Variants in GAS7 observed in about 807,000 individuals in gnomAD.
GAS7 encodes the protein growth arrest specific 7.
Under a neutral mutation model 71.1 loss-of-function variants are expected in GAS7, and 28 were observed. The ratio of observed to expected loss-of-function variants is 0.39; its 90% CI spans 0.29 to 0.54. The LOEUF is 0.54. GAS7 is among the 20% of genes least tolerant of loss of function. The pLI is 0.62. For missense variants in GAS7, 436 were observed against 627.8 expected (o/e 0.69, Z 3.27); for synonymous variants, 258 against 245.8 (o/e 1.05, Z -0.46).
At chr17:10,176,395 G>A (rs950892361) in intron 1 of GAS7, among the ~76,000 whole-genome samples, 11 of 152,152 alleles carry the variant, frequency 7.2e-5, no homozygotes, top group African/African-American at 2.7e-4. Context: ...GCGTCTCTTA[G>A]CACCGCTTGC....
chr17:10,127,045 C>A (rs1447580848), intron 1 of GAS7, among the ~76,000 whole-genome samples: 1 of 152,124 alleles, frequency 6.6e-6, no homozygotes, highest in African/African-American at 2.4e-5. Flanking sequence ...TGGCCAGCAC[C>A]TTACATTGTT....
At chr17:10,009,698 A>C (rs891559070) in intron 2 of GAS7, among the ~76,000 whole-genome samples, 56 of 151,810 alleles carry the variant, frequency 3.7e-4, no homozygotes, top group African/African-American at 1.4e-3. Context: ...AACCAAACAA[A>C]AAATAAAACA....
chr17:10,196,700 C>A (rs774151237), intron 1 of GAS7, among the ~76,000 whole-genome samples: 1 of 152,226 alleles, frequency 6.6e-6, no homozygotes, highest in Non-Finnish European at 1.5e-5. Context: ...AGACATCCAT[C>A]AGCCAAATTT....
At chr17:10,062,690 A>G (rs888467482) in intron 1 of GAS7, among the ~76,000 whole-genome samples, 2 of 152,222 alleles carry the variant, frequency 1.3e-5, no homozygotes, top group Non-Finnish European at 2.9e-5. Flanking sequence ...AACACAGCTA[A>G]TTCTGCTTTG....
At chr17:10,069,233 T>C (rs1247796353) in intron 1 of GAS7, among the ~76,000 whole-genome samples, 8 of 152,184 alleles carry the variant, frequency 5.3e-5, no homozygotes, top group Non-Finnish European at 7.3e-5. Context: ...ACGTTGACTC[T>C]CTCTGCACCA....
intron 1 of GAS7, among the ~76,000 whole-genome samples, chr17:10,061,977 G>A (rs754494811): frequency 6.6e-6 from 1 of 152,064 alleles, no homozygotes; most frequent in African/African-American, 2.4e-5. Context: ...GCACAGGACC[G>A]CCGCCCACAA....
intron 2 of GAS7, among the ~76,000 whole-genome samples, chr17:10,005,098 C>G (rs974917033): frequency 6.7e-6 from 1 of 149,162 alleles, no homozygotes; most frequent in African/African-American, 2.5e-5. Context: ...TGCACGCATA[C>G]ATGCATGTGT....
At chr17:10,197,040 AT>A (rs2074545623) in intron 1 of GAS7, among the ~76,000 whole-genome samples, 1 of 152,050 alleles carries the variant, frequency 6.6e-6, no homozygotes, top group Admixed American at 6.6e-5. Context: ...TTTAGGAGAG[AT>A]TTTGTTGTTC....
rs151001787 is a variant in GAS7 at position 10,026,478 on chromosome 17, T to G, written c.184-6581A>C. On this transcript the variant is annotated intron_variant, in intron 1 of 13. Coordinates refer to ENST00000432992, the MANE Select transcript of GAS7 (RefSeq NM_201433.2). The surrounding 1 kb of genome is among the most constrained non-coding windows in gnomAD (Gnocchi z 4.5). ...TTGAAGGCTCCTCCACAAAGGACTC[T>G]CCAGCAAGTTCTCTCTTCCCCAACC... 4.2e-3 allele frequency among the ~76,000 whole-genome samples: 637 copies of G among 152,260 alleles called. 19 individuals carry two copies. Among genetic ancestry groups the G allele is most frequent in the Admixed American group, 0.031 (470 of 15,298 alleles).
intron 1 of GAS7, among the ~76,000 whole-genome samples, chr17:10,064,517 A>G (rs1567576523): frequency 1.3e-5 from 2 of 152,160 alleles, no homozygotes; most frequent in Admixed American, 1.3e-4. Context: ...CCTCTCCCCA[A>G]CCACGGTACT....
chr17:10,126,005 GTA>G (rs995847299), intron 1 of GAS7, among the ~76,000 whole-genome samples: 2 of 152,168 alleles, frequency 1.3e-5, no homozygotes, highest in Non-Finnish European at 2.9e-5. Flanking sequence ...CATCTGTGCA[GTA>G]TGAAGCCTGC....
At chr17:9,970,318 C>T (rs2069908025) in intron 3 of GAS7, among the ~76,000 whole-genome samples, 1 of 152,102 alleles carries the variant, frequency 6.6e-6, no homozygotes, top group Non-Finnish European at 1.5e-5. Context: ...CTTGAGTCAC[C>T]GTTCTCCTAG....
At chr17:10,102,435 GGCTA>G (rs1296141684) in intron 1 of GAS7, among the ~76,000 whole-genome samples, 2 of 149,098 alleles carry the variant, frequency 1.3e-5, no homozygotes, top group African/African-American at 2.5e-5. Context: ...TCTCTTAGTC[GGCTA>G]GCTGACTAAG....
chr17:9,959,332 AG>A lies in GAS7; in HGVS notation c.472-78del. ...TTTTTCCCCCCATTCAGGTTCCCTG[AG>A]GGTGGAGGCGCTGGGGAATCAGGGA... is the stretch of plus-strand genomic sequence containing the variant. On this transcript the variant is annotated intron_variant, in intron 4 of 13. Coordinates refer to ENST00000432992, the MANE Select transcript of GAS7 (RefSeq NM_201433.2). The surrounding 1 kb of genome is among the most constrained non-coding windows in gnomAD (Gnocchi z 5.0). 1 of 1,605,344 alleles carries A rather than the reference AG, an allele frequency of 6.2e-7. No homozygotes were observed. Among genetic ancestry groups the A allele is most frequent in the Non-Finnish European group, 8.5e-7 (1 of 1,175,436 alleles).
chr17:10,083,068 G>A (rs1405359573), intron 1 of GAS7, among the ~76,000 whole-genome samples: 1 of 152,214 alleles, frequency 6.6e-6, no homozygotes, highest in Non-Finnish European at 1.5e-5. Flanking sequence ...AATTCAAGTA[G>A]TGGTTGCAAG....
chr17:9,934,774 C>T (rs542963461), intron 8 of GAS7, among the ~76,000 whole-genome samples: 9 of 152,324 alleles, frequency 5.9e-5, no homozygotes, highest in East Asian at 1.9e-4. Context: ...CTTGCTCTGT[C>T]GCCTAGGCTG....
intron 1 of GAS7, among the ~76,000 whole-genome samples, chr17:10,093,649 C>T (rs2073611168): frequency 6.6e-6 from 1 of 151,608 alleles, no homozygotes; most frequent in African/African-American, 2.4e-5. Flanking sequence ...CAAAAGCTTC[C>T]CTCCCACCAC....
intron 1 of GAS7, among the ~76,000 whole-genome samples, chr17:10,169,771 T>A (rs1267609497): frequency 6.6e-6 from 1 of 152,148 alleles, no homozygotes; most frequent in African/African-American, 2.4e-5. Context: ...TTGAAGACTA[T>A]CTACGCCATA....
Position 10,181,326 on chromosome 17 carries a change from C to G in GAS7, c.183+16882G>C, listed in dbSNP as rs200068893. On this transcript the variant is annotated intron_variant, in intron 1 of 13. Coordinates refer to ENST00000432992, the MANE Select transcript of GAS7 (RefSeq NM_201433.2). The stretch of plus-strand genomic sequence containing the variant: ...AGTGAGCTGAGATTGAGCCACTGCA[C>G]TCCAGCCTGGGTGACAGAGCAAGAC... Among the ~76,000 whole-genome samples, 21 of 150,838 alleles carry G rather than the reference C, an allele frequency of 1.4e-4. No homozygotes were observed. The East Asian group carries it at 3.9e-3, about 28-fold the overall frequency.
Sources: gnomAD v4.1 joint callset for allele counts (sites outside exome capture counted in the v4.1 genomes callset) on GRCh38, gnomAD v4.1.1 for gene constraint, Gnocchi (gnomAD v3.1) non-coding constraint, MANE v1.5 for transcripts, NCBI Gene and HGNC (gene_info 2026-07-23, HGNC 2026-07-21) for gene names.